Variants in ITSN2 observed in about 807,000 individuals in gnomAD.
The protein encoded by ITSN2 is intersectin-2.
A neutral mutation model predicts 243.7 loss-of-function variants in ITSN2; 156 were observed. The ratio of observed to expected loss-of-function variants is 0.64; its 90% CI spans 0.56 to 0.73. The LOEUF (loss-of-function observed/expected upper bound fraction) is 0.73. Ranked by LOEUF, ITSN2 falls within the 30% of genes least tolerant of loss-of-function variation. ITSN2 has a pLI of 0.00. For synonymous variants in ITSN2, 703 were observed against 699.9 expected (o/e 1.00, Z -0.07); for missense variants, 1,801 against 1,996.1 (o/e 0.90, Z 1.86).
intron 1 of ITSN2, among the ~76,000 whole-genome samples, chr2:24,347,674 G>A (rs1160781548): frequency 1.3e-5 from 2 of 150,334 alleles, no homozygotes; most frequent in African/African-American, 2.4e-5. Flanking sequence ...CAATAAGAGC[G>A]AAATGTCATC....
intron 21 of ITSN2, 36 bp from the exon 22 acceptor site, chr2:24,261,286 T>A: frequency 6.8e-7 from 1 of 1,481,332 alleles, no homozygotes; most frequent in Non-Finnish European, 9.3e-7. Context: ...GTATATTTAT[T>A]TGTTTAGAAC....
chr2:24,299,271 C>A (rs1396274274), intron 12 of ITSN2, among the ~76,000 whole-genome samples: 1 of 152,072 alleles, frequency 6.6e-6, no homozygotes, highest in Non-Finnish European at 1.5e-5. Flanking sequence ...TTGTTACAGT[C>A]ATTTTTCTCT....
chr2:24,319,904 T>TA (rs990492746), intron 2 of ITSN2, among the ~76,000 whole-genome samples: 4 of 152,146 alleles, frequency 2.6e-5, no homozygotes, highest in African/African-American at 9.7e-5. Context: ...TTCAAGTGTT[T>TA]AAAAAAACAC....
chr2:24,301,328 G>A (rs559642351), intron 10 of ITSN2, 89 bp from the exon 11 acceptor site: 2 of 681,318 alleles, frequency 2.9e-6, no homozygotes, highest in East Asian at 2.6e-5. Context: ...ATGGCAATTT[G>A]ATATTGGGAA....
rs939321997 is a variant in ITSN2, at chr2:24,249,361, C to A, written c.3121-479G>T. Among the ~76,000 whole-genome samples, 2 of 152,096 alleles carry A rather than the reference C, an allele frequency of 1.3e-5. No homozygotes were observed. The highest frequency in any genetic ancestry group is 3.8e-4 in the East Asian group (2 of 5,200). On this transcript the variant is annotated intron_variant, in intron 25 of 39. Coordinates refer to ENST00000355123, the MANE Select transcript of ITSN2 (RefSeq NM_006277.3). The surrounding 1 kb of genome is among the most constrained non-coding windows in gnomAD (Gnocchi z 4.4). ...ATTTTTATTTATTTTACCATCCTCC[C>A]CCCAAACTGACTGAATCTGACCTAA...
rs1467741381 is a variant in ITSN2 at position 24,204,728 on chromosome 2, G to A, written c.4763-310C>T. On this transcript the variant is annotated intron_variant, in intron 38 of 39. Transcript: ENST00000355123. The surrounding 1 kb of genome is among the most constrained non-coding windows in gnomAD (Gnocchi z 5.1). The stretch of plus-strand genomic sequence containing the variant: ...CCTCGGCGCAGACACACTCGGGAAG[G>A]CGGGCACTGGCACTTACTGGGAAAA... 1 of 539,350 alleles carries A rather than the reference G, an allele frequency of 1.9e-6. No homozygotes were observed. Among genetic ancestry groups the A allele is most frequent in the Admixed American group, 2.2e-5 (1 of 44,896 alleles). 33.4% of individuals were successfully genotyped at this position (539,350 alleles called of 1,614,324 possible). A position where few individuals can be genotyped will look rare whatever the true frequency, so the allele number is the denominator to read the frequency against.
intron 17 of ITSN2, among the ~76,000 whole-genome samples, chr2:24,277,286 G>GT (rs773698533): frequency 2.6e-5 from 4 of 152,150 alleles, no homozygotes; most frequent in Non-Finnish European, 4.4e-5. Flanking sequence ...GGTAAAAAAT[G>GT]TTTTTTGGTA....
intron 2 of ITSN2, among the ~76,000 whole-genome samples, chr2:24,317,363 C>T (rs975265786): frequency 1.3e-5 from 2 of 149,926 alleles, no homozygotes; most frequent in Non-Finnish European, 3.0e-5. Context: ...CAGCCTGCGC[C>T]GACAAGGGCA....
intron 36 of ITSN2, 87 bp from the exon 37 acceptor site, chr2:24,208,406 T>A (rs1376334748): frequency 8.2e-6 from 8 of 973,482 alleles, no homozygotes; most frequent in Non-Finnish European, 1.3e-5. Context: ...TGTTCTTCAG[T>A]CTTTTGCTAA....
At chr2:24,283,147 C>T (rs1377025152) in intron 17 of ITSN2, among the ~76,000 whole-genome samples, 1 of 152,090 alleles carries the variant, frequency 6.6e-6, no homozygotes, top group Non-Finnish European at 1.5e-5. Context: ...CCAGCTTCTG[C>T]TTATCACTCA....
chr2:24,237,344 A>T (rs2247157), intron 29 of ITSN2, among the ~76,000 whole-genome samples: 12 of 152,120 alleles, frequency 7.9e-5, no homozygotes, highest in East Asian at 7.7e-4. Flanking sequence ...GAAAATAGCA[A>T]AATAATCTCT....
chr2:24,227,479 A>T (rs918328422), intron 29 of ITSN2, among the ~76,000 whole-genome samples: 1 of 152,192 alleles, frequency 6.6e-6, no homozygotes, highest in Admixed American at 6.5e-5. Flanking sequence ...AAAAGAAAGA[A>T]TAAGGAGAGT....
intron 29 of ITSN2, among the ~76,000 whole-genome samples, 193 bp downstream of exon 29, chr2:24,245,936 G>A (rs955632488): frequency 2.0e-5 from 3 of 152,166 alleles, no homozygotes; most frequent in African/African-American, 7.2e-5. Flanking sequence ...TCTGGAGCTA[G>A]CAAGTATTTA....
At chr2:24,282,488 C>A (rs765799856) in intron 17 of ITSN2, among the ~76,000 whole-genome samples, 7 of 152,200 alleles carry the variant, frequency 4.6e-5, no homozygotes, top group Non-Finnish European at 7.4e-5. Flanking sequence ...GGCAAGAAAC[C>A]CTGGGATACA....
intron 19 of ITSN2, 118 bp downstream of exon 19, chr2:24,271,648 G>GT (rs904478116): frequency 9.2e-6 from 12 of 1,301,784 alleles, no homozygotes; most frequent in Non-Finnish European, 1.2e-5. Context: ...TTATAAAAAG[G>GT]TTTTTTCTGA....
At chr2:24,316,115 C>T (rs1396235043) in intron 2 of ITSN2, among the ~76,000 whole-genome samples, 2 of 152,030 alleles carry the variant, frequency 1.3e-5, no homozygotes, top group East Asian at 3.9e-4. Flanking sequence ...AAGGCATGTG[C>T]AAGGTGCTGT....
chr2:24,286,385 C>T, intron 15 of ITSN2, 34 bp from the exon 16 acceptor site: 1 of 1,601,382 alleles, frequency 6.2e-7, no homozygotes, highest in South Asian at 1.1e-5. Flanking sequence ...TTACATTTTG[C>T]AGAAGTTCGT....
chr2:24,215,662 G>GT (rs1669887681), intron 32 of ITSN2, among the ~76,000 whole-genome samples: 1 of 82,728 alleles, frequency 1.2e-5, no homozygotes, highest in African/African-American at 5.6e-5. Context: ...GCAAGATTCT[G>GT]TTTAAAAAAA....
intron 9 of ITSN2, among the ~76,000 whole-genome samples, chr2:24,303,493 C>T (rs1682058894): frequency 6.6e-6 from 1 of 152,134 alleles, no homozygotes; most frequent in Non-Finnish European, 1.5e-5. Context: ...AGTGTTATTA[C>T]AAGAGTCAAA....
Sources: gnomAD v4.1 joint callset for allele counts (sites outside exome capture counted in the v4.1 genomes callset) on GRCh38, gnomAD v4.1.1 for gene constraint, Gnocchi (gnomAD v3.1) non-coding constraint, MANE v1.5 for transcripts, NCBI Gene and HGNC (gene_info 2026-07-23, HGNC 2026-07-21) for gene names.